The following POU6F2 variants were observed in gnomAD, a reference collection of about 807,000 sequenced individuals.
The protein encoded by POU6F2 is POU class 6 homeobox 2, also known as POU domain, class 6, transcription factor 2.
Under a neutral mutation model 71.3 loss-of-function variants are expected in POU6F2, and 31 were observed. The ratio of observed to expected loss-of-function variants is 0.43; its 90% CI spans 0.33 to 0.59. The LOEUF (loss-of-function observed/expected upper bound fraction) is 0.59, where lower values mean the gene tolerates loss of function less well. Among genes scored for constraint, POU6F2 ranks in the 20% least tolerant of loss-of-function variants. POU6F2 has a pLI of 0.04. For synonymous variants in POU6F2, 347 were observed against 355.7 expected (o/e 0.98, Z 0.27); for missense variants, 783 against 856.8 (o/e 0.91, Z 1.07).
intron 4 of POU6F2, among the ~76,000 whole-genome samples, chr7:39,300,434 G>A (rs926449304): frequency 5.3e-5 from 8 of 152,152 alleles, no homozygotes; most frequent in South Asian, 2.1e-4. Context: ...CAGTCCTCAC[G>A]GCAAGTGACG....
At chr7:39,146,793 A>G (rs1309653104) in intron 2 of POU6F2, among the ~76,000 whole-genome samples, 3 of 152,226 alleles carry the variant, frequency 2.0e-5, no homozygotes. Flanking sequence ...TGAGTTGCCC[A>G]AGGTCACACT....
intron 1 of POU6F2, among the ~76,000 whole-genome samples, chr7:39,075,780 G>T (rs1790989696): frequency 6.6e-6 from 1 of 152,208 alleles, no homozygotes; most frequent in East Asian, 1.9e-4. Flanking sequence ...CTTGGGGCGT[G>T]GTCTCTGTGC....
chr7:39,268,935 C>G (rs141709585), intron 4 of POU6F2, among the ~76,000 whole-genome samples: 1 of 152,238 alleles, frequency 6.6e-6, no homozygotes, highest in East Asian at 1.9e-4. Flanking sequence ...CTCCTGGATC[C>G]CTCTGATTAA....
chr7:39,039,624 A>G (rs1421210231), intron 1 of POU6F2, among the ~76,000 whole-genome samples: 1 of 151,932 alleles, frequency 6.6e-6, no homozygotes, highest in Non-Finnish European at 1.5e-5. Context: ...TAAATAACTT[A>G]GGAATGGAGG....
At chr7:39,145,880 G>A (rs1792611809) in intron 2 of POU6F2, among the ~76,000 whole-genome samples, 1 of 152,318 alleles carries the variant, frequency 6.6e-6, no homozygotes, top group East Asian at 1.9e-4. Flanking sequence ...AGGGCATGAG[G>A]AAGCTTACCT....
chr7:39,110,579 T>C (rs947288325), intron 2 of POU6F2, among the ~76,000 whole-genome samples: 1 of 152,186 alleles, frequency 6.6e-6, no homozygotes, highest in South Asian at 2.1e-4. Flanking sequence ...TTTGGTTGAT[T>C]GTCTAAACTT....
At chr7:39,233,903 G>A (rs1794624652) in intron 4 of POU6F2, among the ~76,000 whole-genome samples, 1 of 152,170 alleles carries the variant, frequency 6.6e-6, no homozygotes, top group African/African-American at 2.4e-5. Flanking sequence ...AGAGCATGGG[G>A]ATATTTCCTC....
Position 39,057,175 on chromosome 7 carries a change from T to A in POU6F2, c.106-28685T>A, listed in dbSNP as rs79349504. ...TTATGGTTCAGGGCTTCAGATGTCT[T>A]CTTGTTTTGTTGAAGATGGAATTTG... On this transcript the variant is annotated intron_variant, in intron 1 of 9. Transcript: ENST00000518318. 3.6e-4 allele frequency among the ~76,000 whole-genome samples: 55 copies of A among 152,282 alleles called. No homozygotes were observed. The East Asian group carries it at 0.01, about 28-fold the overall frequency.
At chr7:39,017,542 A>G (rs959058375) in intron 1 of POU6F2, among the ~76,000 whole-genome samples, 1 of 152,150 alleles carries the variant, frequency 6.6e-6, no homozygotes, top group Non-Finnish European at 1.5e-5. Flanking sequence ...AAGCATCAGG[A>G]GGTCCCCATA....
intron 4 of POU6F2, among the ~76,000 whole-genome samples, chr7:39,335,363 G>A (rs1244641188): frequency 1.3e-5 from 2 of 152,168 alleles, no homozygotes; most frequent in African/African-American, 4.8e-5. Context: ...GTAGGACTGA[G>A]GTACAACTGT....
intron 4 of POU6F2, among the ~76,000 whole-genome samples, chr7:39,291,328 T>C (rs1184814464): frequency 6.6e-6 from 1 of 152,242 alleles, no homozygotes. Context: ...CAATGCATTA[T>C]TTCAGGTTTT....
intron 4 of POU6F2, among the ~76,000 whole-genome samples, chr7:39,263,769 A>G (rs1336346391): frequency 7.2e-5 from 11 of 151,816 alleles, no homozygotes; most frequent in South Asian, 2.1e-4. Flanking sequence ...TTTATTGTCT[A>G]TTTTCCCCCA....
At chr7:39,052,208 A>G (rs989280436) in intron 1 of POU6F2, among the ~76,000 whole-genome samples, 5 of 152,176 alleles carry the variant, frequency 3.3e-5, no homozygotes, top group Admixed American at 2.6e-4. Context: ...AATCTTCAGA[A>G]CAACTCCATA....
At chr7:39,196,314 A>G (rs1348368073) in intron 2 of POU6F2, among the ~76,000 whole-genome samples, 1 of 152,164 alleles carries the variant, frequency 6.6e-6, no homozygotes, top group African/African-American at 2.4e-5. Flanking sequence ...ACAAAATCGT[A>G]TTTTATCAAT....
Position 38,978,311 on chromosome 7 carries a change from T to A in POU6F2, c.105+253T>A, listed in dbSNP as rs925380108. Among the ~76,000 whole-genome samples, 3 of 152,236 alleles carry A rather than the reference T, an allele frequency of 2.0e-5. No homozygotes were observed. The South Asian group carries it at 6.2e-4, about 32-fold the overall frequency. ...AACACTGGAGAATAAATCTAATTTATAATTTGGTCTGAATGTTTCTTAAAA... is the reference window on the plus strand; with the variant it reads ...AACACTGGAGAATAAATCTAATTTAAAATTTGGTCTGAATGTTTCTTAAAA... On this transcript the variant is annotated intron_variant, in intron 1 of 9. Coordinates refer to ENST00000518318, the MANE Select transcript of POU6F2 (RefSeq NM_001370959.1).
chr7:39,126,674 A>G (rs1562715603), intron 2 of POU6F2, among the ~76,000 whole-genome samples: 1 of 152,210 alleles, frequency 6.6e-6, no homozygotes, highest in Non-Finnish European at 1.5e-5. Flanking sequence ...CGGTATATTG[A>G]TGATTCAGAT....
intron 5 of POU6F2, among the ~76,000 whole-genome samples, chr7:39,380,144 C>T (rs1786797079): frequency 6.6e-6 from 1 of 152,152 alleles, no homozygotes; most frequent in African/African-American, 2.4e-5. Context: ...TTTCATGGCT[C>T]CATTTAATTT....
rs879789906 is a variant in POU6F2 at position 39,416,119 on chromosome 7, C to CACAA, written c.1113+9382_1113+9383insAACA. ...ACACACACACACACACACACACACA[C>CACAA]ACACACACACACACACACACTAGAA... On this transcript the variant is annotated intron_variant, in intron 6 of 9. Coordinates refer to ENST00000518318, the MANE Select transcript of POU6F2 (RefSeq NM_001370959.1). 5.5e-3 allele frequency among the ~76,000 whole-genome samples: 831 copies of CACAA among 151,944 alleles called. 25 individuals carry two copies. The highest frequency in any genetic ancestry group is 0.051 in the Admixed American group (778 of 15,248).
At chr7:39,187,537 G>A (rs1793566995) in intron 2 of POU6F2, among the ~76,000 whole-genome samples, 1 of 152,232 alleles carries the variant, frequency 6.6e-6, no homozygotes, top group Non-Finnish European at 1.5e-5. Flanking sequence ...TGGTCTGCAC[G>A]TCACCGAGGG....
Sources: allele counts gnomAD v4.1 joint callset (sites outside exome capture counted in the v4.1 genomes callset), GRCh38; gene constraint gnomAD v4.1.1; transcripts MANE v1.5; gene names NCBI Gene and HGNC (gene_info 2026-07-23, HGNC 2026-07-21).